DYNC2H1: variants seen among roughly 807,000 people sequenced by gnomAD.
DYNC2H1 encodes the protein dynein cytoplasmic 2 heavy chain 1.
A neutral mutation model predicts 570.0 loss-of-function variants in DYNC2H1; 410 were observed. The observed-to-expected ratio is 0.72, with a 90% CI of 0.66 to 0.78. DYNC2H1 has a LOEUF of 0.78. Among genes scored for constraint, DYNC2H1 ranks in the 30% least tolerant of loss-of-function variants. DYNC2H1 has a pLI of 0.00. For synonymous variants in DYNC2H1, 1,688 were observed against 1,677.6 expected (o/e 1.01, Z -0.15); for missense variants, 4,865 against 5,046.4 (o/e 0.96, Z 1.09).
In DYNC2H1 at chr11:103,109,535, C is replaced by T. The variant is rs1555034658; in HGVS notation, c.-40C>T. On this transcript the variant is annotated 5_prime_UTR_variant, in exon 1 of 89. Transcript: ENST00000375735. ...CTTCCCTCCGGACTGGTTTCTTCTTCCTTCCCCCTTCCCCCAACTTCCCTC... is the reference window on the plus strand; with the variant it reads ...CTTCCCTCCGGACTGGTTTCTTCTTTCTTCCCCCTTCCCCCAACTTCCCTC... 6.3e-7 allele frequency: 1 copy of T among 1,581,906 alleles called. No individual in the cohort carries two copies. Among genetic ancestry groups the T allele is most frequent in the East Asian group, 2.3e-5 (1 of 44,204 alleles).
rs1591256651 is a variant in DYNC2H1, at chr11:103,113,969, C to A, written c.367-134C>A. 2.7e-6 allele frequency: 3 copies of A among 1,100,102 alleles called. No individual in the cohort carries two copies. In the East Asian group the frequency reaches 7.9e-5, roughly 29 times the overall value. The allele number at this position is 1,100,102 out of a possible 1,614,324, so 68.1% of individuals were successfully genotyped here. A position where few individuals can be genotyped will look rare whatever the true frequency, so the allele number is the denominator to read the frequency against. The stretch of plus-strand genomic sequence containing the variant: ...TTCATAGTTTTAACTGTTGAGAGGA[C>A]TTTTTATTCTTCTTATGAAGTGGAG... On this transcript the variant is annotated intron_variant, in intron 2 of 88. Transcript: ENST00000375735.
chr11:103,411,861 C>T (rs1056447791), intron 84 of DYNC2H1, among the ~76,000 whole-genome samples: 1 of 151,782 alleles, frequency 6.6e-6, no homozygotes, highest in Non-Finnish European at 1.5e-5. Flanking sequence ...AGAAATGCAG[C>T]CTCAGAAAAT....
At chr11:103,411,299 G>A (rs2135686668) in intron 84 of DYNC2H1, among the ~76,000 whole-genome samples, 1 of 152,178 alleles carries the variant, frequency 6.6e-6, no homozygotes, top group South Asian at 2.1e-4. Context: ...ATATAAGGTA[G>A]CGCTTTCAGA....
chr11:103,459,709 T>G (rs1189580195), intron 87 of DYNC2H1, among the ~76,000 whole-genome samples: 1 of 151,718 alleles, frequency 6.6e-6, no homozygotes, highest in African/African-American at 2.4e-5. Flanking sequence ...TCCCAGCACT[T>G]TGGGAGGCCG....
At chr11:103,321,867 ATTCT>A (rs1332044049) in intron 81 of DYNC2H1, among the ~76,000 whole-genome samples, 2 of 152,122 alleles carry the variant, frequency 1.3e-5, no homozygotes, top group Non-Finnish European at 2.9e-5. Context: ...TGTGCAAATA[ATTCT>A]TTATTAGAGT....
chr11:103,113,706 A>C lies in DYNC2H1; in HGVS notation c.365A>C (p.Lys122Thr), dbSNP rs766629658. 2 of 1,504,610 alleles carry C rather than the reference A, an allele frequency of 1.3e-6. No homozygotes were observed. The highest frequency in any genetic ancestry group is 5.1e-5 in the Admixed American group (2 of 38,866). 93.2% of individuals were successfully genotyped at this position (1,504,610 alleles called of 1,614,324 possible). ...VRQVFAPMLL[K>T]DQEWSRNFDP... is the part of the protein sequence containing the mutation. ...CAAGTATTCGCACCAATGTTGTTAA[A>C]GGTGAGAAAAGAAGCTGTCATTTTT... is the stretch of plus-strand genomic sequence containing the variant. The change falls in exon 2 of 89, where the codon AAG (lysine) becomes ACG (threonine). Residue 122 changes from lysine to threonine, a missense_variant and splice_region_variant. Transcript: ENST00000375735.
At position 103,179,122 on chromosome 11, in the gene DYNC2H1, C is replaced by G; in HGVS notation, c.6236C>G (p.Pro2079Arg). The G allele has an allele frequency of 6.2e-7, 1 of 1,612,920 alleles. No individual in the cohort carries two copies. Among genetic ancestry groups the G allele is most frequent in the East Asian group, 2.2e-5 (1 of 44,818 alleles). Residue 2079 changes from proline (P) to arginine (R), a missense_variant, in exon 39 of 89, where the codon CCC (proline) becomes CGC (arginine). By Grantham distance (103) the Pro-to-Arg change is moderately radical. Around this residue, in one of 5 missense-constraint regions of DYNC2H1, gnomAD observed 231 missense variants for 310.3 expected, o/e 0.74. Transcript: ENST00000375735. ...VLDDNRLLTM[P>R]SGERIQFGPN... ...GATGATAATCGACTGCTGACTATGC[C>G]CAGTGGAGAAAGGATTCAGTTTGGC... is the stretch of plus-strand genomic sequence containing the variant.
At chr11:103,284,963 A>G (rs1866287730) in intron 73 of DYNC2H1, among the ~76,000 whole-genome samples, 1 of 152,240 alleles carries the variant, frequency 6.6e-6, no homozygotes, top group Non-Finnish European at 1.5e-5. Context: ...CCTCTGAAAG[A>G]TGATATTGTT....
chr11:103,379,332 G>A (rs184155672), intron 83 of DYNC2H1, among the ~76,000 whole-genome samples: 2 of 152,260 alleles, frequency 1.3e-5, no homozygotes, highest in African/African-American at 2.4e-5. Context: ...ATTTGGAAGT[G>A]GGAGATAGTT....
Position 103,186,164 on chromosome 11 carries a change from G to T in DYNC2H1, c.6634-78G>T, listed in dbSNP as rs530930994. On this transcript the variant is annotated intron_variant, in intron 41 of 88. Coordinates refer to ENST00000375735, the MANE Select transcript of DYNC2H1 (RefSeq NM_001377.3). This position sits in a 1 kb window ranked among gnomAD's most constrained non-coding sequence, Gnocchi z 4.5. ...TGGAACTAAGATGATTTACTTTTGG[G>T]ATATTTACTTGGAAGAATTTTAAAA... The T allele has an allele frequency of 2.2e-6, 3 of 1,383,730 alleles. No homozygotes were observed. The highest frequency in any genetic ancestry group is 2.9e-5 in the African/African-American group (2 of 69,340). 85.7% of individuals were successfully genotyped at this position (1,383,730 alleles called of 1,614,324 possible).
chr11:103,206,922 A>T (rs891773790), intron 52 of DYNC2H1, among the ~76,000 whole-genome samples: 1 of 151,672 alleles, frequency 6.6e-6, no homozygotes, highest in African/African-American at 2.4e-5. Flanking sequence ...GGGTAAAAAT[A>T]GTTTTGTTTT....
chr11:103,462,413 A>G (rs1195236091), intron 87 of DYNC2H1, among the ~76,000 whole-genome samples: 1 of 152,100 alleles, frequency 6.6e-6, no homozygotes, highest in Non-Finnish European at 1.5e-5. Flanking sequence ...GTTTTTAGTC[A>G]TGCTAACATT....
chr11:103,195,484 G>C (rs1434247959), intron 47 of DYNC2H1, among the ~76,000 whole-genome samples: 3 of 152,060 alleles, frequency 2.0e-5, no homozygotes, highest in East Asian at 1.9e-4. Flanking sequence ...TCTATTTCTG[G>C]GTTCTCCATT....
chr11:103,174,269 T>A, intron 36 of DYNC2H1, 99 bp downstream of exon 36: 1 of 980,970 alleles, frequency 1.0e-6, no homozygotes, highest in Non-Finnish European at 1.5e-6. Flanking sequence ...GATACAATAT[T>A]AAGGATTACT....
intron 87 of DYNC2H1, among the ~76,000 whole-genome samples, chr11:103,464,138 C>CA (rs1378966909): frequency 6.6e-6 from 1 of 152,038 alleles, no homozygotes; most frequent in Non-Finnish European, 1.5e-5. Context: ...AAAAATCTGA[C>CA]AAAAAAGTTA....
intron 70 of DYNC2H1, among the ~76,000 whole-genome samples, chr11:103,270,774 T>C (rs532137625): frequency 6.6e-6 from 1 of 152,188 alleles, no homozygotes; most frequent in Non-Finnish European, 1.5e-5. Context: ...TCTCATCATG[T>C]TACTCAGAAT....
intron 73 of DYNC2H1, among the ~76,000 whole-genome samples, chr11:103,285,926 C>T (rs1393984375): frequency 3.3e-5 from 5 of 152,154 alleles, no homozygotes; most frequent in Non-Finnish European, 1.5e-5. Context: ...ACTTGACAAT[C>T]CTTAAAATTT....
At chr11:103,258,950 TA>T (rs1865164948) in intron 69 of DYNC2H1, among the ~76,000 whole-genome samples, 1 of 152,218 alleles carries the variant, frequency 6.6e-6, no homozygotes, top group South Asian at 2.1e-4. Context: ...ATTTGCTATC[TA>T]AAGTAATGAT....
intron 83 of DYNC2H1, among the ~76,000 whole-genome samples, chr11:103,378,853 A>C (rs1451210415): frequency 6.6e-6 from 1 of 152,178 alleles, no homozygotes; most frequent in Admixed American, 6.5e-5. Context: ...TTTATTGAAA[A>C]AATTAATCTG....
Sources: gnomAD v4.1 joint callset for allele counts (sites outside exome capture counted in the v4.1 genomes callset) on GRCh38, gnomAD v4.1.1 for gene constraint, gnomAD v4.1.1 regional missense constraint, Gnocchi (gnomAD v3.1) non-coding constraint, MANE v1.5 for transcripts, NCBI Gene and HGNC (gene_info 2026-07-23, HGNC 2026-07-21) for gene names.